Variants in SETD3 observed in about 807,000 individuals in gnomAD.
SETD3 encodes actin-histidine N-methyltransferase.
Under a neutral mutation model 63.0 loss-of-function variants are expected in SETD3, and 19 were observed. The ratio of observed to expected loss-of-function variants is 0.30; its 90% CI spans 0.21 to 0.44. The LOEUF (loss-of-function observed/expected upper bound fraction) is 0.44, where lower values mean the gene tolerates loss of function less well. Among genes scored for constraint, SETD3 ranks in the 20% least tolerant of loss-of-function variants. The pLI is 1.00. For missense variants in SETD3, 587 were observed against 728.5 expected (o/e 0.81, Z 2.24); for synonymous variants, 286 against 264.1 (o/e 1.08, Z -0.80).
chr14:99,484,242 C>T (rs934458947), upstream of SETD3, among the ~76,000 whole-genome samples: 1 of 152,170 alleles, frequency 6.6e-6, no homozygotes, highest in Non-Finnish European at 1.5e-5. Context: ...CAGGTTGTTT[C>T]GTGTCTCTGG....
intron 3 of SETD3, among the ~76,000 whole-genome samples, chr14:99,462,458 T>C (rs1210289162): frequency 1.3e-5 from 2 of 152,186 alleles, no homozygotes; most frequent in South Asian, 2.1e-4. Flanking sequence ...ATGCTGGATA[T>C]GCGAAGATAC....
At chr14:99,410,150 T>A (rs1361588645) in intron 8 of SETD3, 1 of 1,582,598 alleles carries the variant, frequency 6.3e-7, no homozygotes, top group Non-Finnish European at 8.7e-7. Context: ...GTGAGTCCCG[T>A]AAGTGCCTAA....
chr14:99,479,544 T>C (rs1035007054), intron 1 of SETD3, among the ~76,000 whole-genome samples: 2 of 152,252 alleles, frequency 1.3e-5, no homozygotes, highest in Non-Finnish European at 2.9e-5. Context: ...CCGAGATTAT[T>C]ACTGGTTAGT....
intron 1 of SETD3, among the ~76,000 whole-genome samples, chr14:99,475,354 G>A (rs1349433427): frequency 6.6e-6 from 1 of 152,250 alleles, no homozygotes; most frequent in Non-Finnish European, 1.5e-5. Flanking sequence ...ATATAAGACA[G>A]GCAGGACAGA....
At chr14:99,437,076 T>C (rs1266089326) in intron 6 of SETD3, among the ~76,000 whole-genome samples, 1 of 152,240 alleles carries the variant, frequency 6.6e-6, no homozygotes, top group Non-Finnish European at 1.5e-5. Context: ...CAACTAGGTA[T>C]GAACTGAGGT....
chr14:99,432,695 C>T (rs1264486345), intron 6 of SETD3, among the ~76,000 whole-genome samples: 1 of 152,188 alleles, frequency 6.6e-6, no homozygotes, highest in Non-Finnish European at 1.5e-5. Context: ...GCAACAATGC[C>T]TCCAGTAGCA....
rs1362605592 is a variant in SETD3, at chr14:99,405,332, C to T, written c.964G>A (p.Val322Met). 3 of 1,613,742 alleles carry T rather than the reference C, an allele frequency of 1.9e-6. No individual in the cohort carries two copies. The highest frequency in any genetic ancestry group is 1.7e-6 in the Non-Finnish European group (2 of 1,179,952). The change falls in exon 10 of 13, where the codon GTG becomes ATG. Residue 322 changes from valine to methionine, a missense_variant. Val to Met is a conservative substitution (Grantham distance 21). Transcript: ENST00000331768. The part of the protein sequence containing the change: ...FYGTRSNAEF[V>M]IHSGFFFDNN... ...TCAAAGAAAAAACCACTGTGGATCA[C>T]AAACTCTGCGTTGGATCGAGTGCCA...
chr14:99,451,548 TA>T (rs535771033), intron 6 of SETD3, among the ~76,000 whole-genome samples: 4 of 152,136 alleles, frequency 2.6e-5, no homozygotes, highest in Non-Finnish European at 5.9e-5. Context: ...GGATTAGGGT[TA>T]GGGGTGGAGT....
chr14:99,415,672 T>C (rs1187707376), intron 6 of SETD3, among the ~76,000 whole-genome samples: 1 of 152,294 alleles, frequency 6.6e-6, no homozygotes, highest in South Asian at 2.1e-4. Context: ...TTTGGCTGCA[T>C]GGTTACATAA....
chr14:99,465,419 C>T (rs1895316490), intron 2 of SETD3, among the ~76,000 whole-genome samples: 1 of 152,188 alleles, frequency 6.6e-6, no homozygotes, highest in Admixed American at 6.5e-5. Context: ...CTTCTTCTCG[C>T]CCACAGGTCC....
chr14:99,418,759 G>C (rs143910743), intron 6 of SETD3, among the ~76,000 whole-genome samples: 1 of 152,178 alleles, frequency 6.6e-6, no homozygotes, highest in Non-Finnish European at 1.5e-5. Context: ...GGAGCAGAGA[G>C]AGAGTAAGAA....
chr14:99,399,086 G>A lies in SETD3; in HGVS notation c.1378C>T (p.Arg460Cys), dbSNP rs763948380. ...SVLKNHDLSVRAKMAIKLRLG... is the reference protein window; with the variant it reads ...SVLKNHDLSVCAKMAIKLRLG... ...CGCAATTTGATGGCCATTTTTGCACGAACAGAAAGATCGTGGTTTTTCAAG... is the reference window on the plus strand; with the variant it reads ...CGCAATTTGATGGCCATTTTTGCACAAACAGAAAGATCGTGGTTTTTCAAG... Residue 460 changes from arginine (R) to cysteine (C), a missense_variant, in exon 13 of 13, where the codon CGT becomes TGT. Arg to Cys is a radical substitution (Grantham distance 180). Transcript: ENST00000331768. 71 of 1,613,826 alleles carry A rather than the reference G, an allele frequency of 4.4e-5. No individual in the cohort carries two copies. The highest frequency in any genetic ancestry group is 5.3e-5 in the African/African-American group (4 of 74,872).
intron 3 of SETD3, among the ~76,000 whole-genome samples, chr14:99,462,248 T>C (rs1483858901): frequency 6.6e-6 from 1 of 152,230 alleles, no homozygotes; most frequent in Non-Finnish European, 1.5e-5. Flanking sequence ...TCTGTTATAT[T>C]AATTTCTGAA....
At chr14:99,419,494 G>C (rs896648131) in intron 6 of SETD3, among the ~76,000 whole-genome samples, 6 of 152,156 alleles carry the variant, frequency 3.9e-5, no homozygotes, top group Non-Finnish European at 8.8e-5. Flanking sequence ...ACCTTTTTAT[G>C]GCCGGGCGCG....
At chr14:99,429,555 A>G (rs1413768786) in intron 6 of SETD3, among the ~76,000 whole-genome samples, 1 of 152,200 alleles carries the variant, frequency 6.6e-6, no homozygotes, top group Non-Finnish European at 1.5e-5. Flanking sequence ...TGTCATTAAT[A>G]TGGTTATACC....
In SETD3 at chr14:99,431,481, G is replaced by C. The variant is rs554004927; in HGVS notation, c.676-17547C>G. Among the ~76,000 whole-genome samples, 4 of 152,090 alleles carry C rather than the reference G, an allele frequency of 2.6e-5. No individual in the cohort carries two copies. The East Asian group carries it at 7.7e-4, about 29-fold the overall frequency. On this transcript the variant is annotated intron_variant, in intron 6 of 12. Transcript: ENST00000331768. ...CAGCAGTGGCCTAAAATAGCAACAT[G>C]CATTAGTAGGAATTTTTTTTTTTTT... is the stretch of plus-strand genomic sequence containing the variant.
At chr14:99,449,151 TA>T (rs1458292294) in intron 6 of SETD3, among the ~76,000 whole-genome samples, 1 of 152,178 alleles carries the variant, frequency 6.6e-6, no homozygotes, top group Non-Finnish European at 1.5e-5. Flanking sequence ...TTCCTTTTAG[TA>T]AAATCCCAAT....
intron 6 of SETD3, among the ~76,000 whole-genome samples, chr14:99,420,973 GGGGT>G (rs1566694387): frequency 2.1e-5 from 1 of 47,174 alleles, no homozygotes; most frequent in African/African-American, 7.4e-5. Context: ...GGGGGGGGGG[GGGGT>G]GGGAGGTGCA....
chr14:99,433,728 C>T (rs1478441834), intron 6 of SETD3, among the ~76,000 whole-genome samples: 1 of 152,214 alleles, frequency 6.6e-6, no homozygotes, highest in African/African-American at 2.4e-5. Flanking sequence ...TGAGCTACCA[C>T]ATCCGGCCTT....
Sources: allele counts gnomAD v4.1 joint callset (sites outside exome capture counted in the v4.1 genomes callset), GRCh38; gene constraint gnomAD v4.1.1; transcripts MANE v1.5; gene names NCBI Gene and HGNC (gene_info 2026-07-23, HGNC 2026-07-21).